The following TUSC3 variants were observed in gnomAD, a reference collection of about 807,000 sequenced individuals.
The protein encoded by TUSC3 is dolichyl-diphosphooligosaccharide--protein glycosyltransferase subunit TUSC3.
In TUSC3, 45 loss-of-function variants were observed where a neutral mutation model predicts 44.8. The observed-to-expected ratio is 1.00, with a 90% CI of 0.79 to 1.29. The LOEUF is 1.29. Among genes scored for constraint, TUSC3 ranks in the 50% most tolerant of loss-of-function variants. The pLI, the probability that TUSC3 is intolerant of heterozygous loss-of-function variation, is 0.00. For synonymous variants in TUSC3, 212 were observed against 152.9 expected, an observed-to-expected ratio of 1.39 and a Z score of -2.85; for missense variants, 519 against 437.9, an observed-to-expected ratio of 1.19 and a Z score of -1.65.
the TUSC3 span, among the ~76,000 whole-genome samples, chr8:15,775,838 G>A: frequency 5.3e-4 from 80 of 150,168 alleles, no homozygotes; most frequent in African/African-American, 2.0e-3. Flanking sequence ...GCACCTGAAT[G>A]GATTCTTTTT....
At chr8:15,666,036 T>C (rs1281922988) in intron 5 of TUSC3, among the ~76,000 whole-genome samples, 1 of 151,472 alleles carries the variant, frequency 6.6e-6, no homozygotes, top group Non-Finnish European at 1.5e-5. Flanking sequence ...AGTAAAATAT[T>C]GAAATACACT....
At chr8:15,539,493 A>C (rs553757840), upstream of TUSC3, among the ~76,000 whole-genome samples, 2 of 151,076 alleles carry the variant, frequency 1.3e-5, no homozygotes, top group Admixed American at 6.6e-5. Context: ...GAGGAACTGC[A>C]AGGCGCTCCA....
chr8:15,664,754 A>C (rs1807581845), intron 5 of TUSC3, among the ~76,000 whole-genome samples: 1 of 149,566 alleles, frequency 6.7e-6, no homozygotes, highest in Non-Finnish European at 1.5e-5. Flanking sequence ...GGCCTTTGGC[A>C]ACTCCTTAAA....
At chr8:15,476,528 A>G (rs1025352444) in intron 1 of TUSC3, among the ~76,000 whole-genome samples, 6 of 152,158 alleles carry the variant, frequency 3.9e-5, no homozygotes, top group Admixed American at 3.3e-4. Context: ...TTTACAAAGG[A>G]ATTTATTCTA....
chr8:15,655,328 C>G (rs1045176072), intron 3 of TUSC3, among the ~76,000 whole-genome samples: 6 of 152,126 alleles, frequency 3.9e-5, no homozygotes, highest in Non-Finnish European at 7.4e-5. Context: ...TATGACCTTC[C>G]TCGCGGAACA....
rs548643655 is a variant in TUSC3 at position 15,559,181 on chromosome 8, C to G, written c.138+18613C>G. On this transcript the variant is annotated intron_variant, in intron 1 of 10. Coordinates refer to ENST00000503731, the MANE Select transcript of TUSC3 (RefSeq NM_006765.4). ...CTCTACACACTGCTTTGAATGCGTCCCAGAGATTCTGGTATGTTGTGTCTT... is the reference window on the plus strand; with the variant it reads ...CTCTACACACTGCTTTGAATGCGTCGCAGAGATTCTGGTATGTTGTGTCTT... 3.2e-4 allele frequency among the ~76,000 whole-genome samples: 45 copies of G among 141,710 alleles called. 2 individuals are homozygous for G. The highest frequency in any genetic ancestry group is 9.2e-4 in the Admixed American group (13 of 14,134). The allele number at this position is 141,710 out of a possible 152,430, so 93.0% of individuals were successfully genotyped here. A position where few individuals can be genotyped will look rare whatever the true frequency, so the allele number is the denominator to read the frequency against.
chr8:15,756,844 T>TTGGGGAATAA (rs1471426119), intron 9 of TUSC3, among the ~76,000 whole-genome samples: 1 of 152,148 alleles, frequency 6.6e-6, no homozygotes, highest in African/African-American at 2.4e-5. Context: ...AAACTCGAGC[T>TTGGGGAATAA]CTAAAGCTAA....
intron 6 of TUSC3, among the ~76,000 whole-genome samples, chr8:15,697,420 C>G (rs186924716): frequency 1.3e-5 from 2 of 152,258 alleles, no homozygotes; most frequent in Admixed American, 1.3e-4. Flanking sequence ...GCATTTAGGG[C>G]TATGAACTTT....
intron 2 of TUSC3, among the ~76,000 whole-genome samples, chr8:15,638,222 G>A (rs1408651084): frequency 6.7e-6 from 1 of 150,188 alleles, no homozygotes; most frequent in African/African-American, 2.4e-5. Context: ...TCCCTGTACA[G>A]TCTCCACCTT....
At chr8:15,437,801 A>G (rs1799968946) in intron 1 of TUSC3, among the ~76,000 whole-genome samples, 1 of 152,184 alleles carries the variant, frequency 6.6e-6, no homozygotes, top group Non-Finnish European at 1.5e-5. Flanking sequence ...TTTCTCCTAC[A>G]GTCATGCCTT....
intron 2 of TUSC3, among the ~76,000 whole-genome samples, chr8:15,626,526 G>A (rs1359579379): frequency 6.6e-6 from 1 of 152,220 alleles, no homozygotes; most frequent in Non-Finnish European, 1.5e-5. Flanking sequence ...CAGGAAGCAG[G>A]CAGCAACCTT....
rs1800513575 is a variant in TUSC3 at position 15,472,918 on chromosome 8, C to G, written n.92-10468C>G. Among the ~76,000 whole-genome samples the G allele has an allele frequency of 2.0e-5, 3 of 152,124 alleles. No individual in the cohort carries two copies. In the South Asian group the frequency reaches 6.2e-4, roughly 31 times the overall value. On this transcript the variant is annotated intron_variant and non_coding_transcript_variant, in intron 1 of 5. Coordinates refer to the TUSC3 transcript ENST00000503191. Reference sequence around the variant, plus strand: ...CTCCACATACAGAAGTTGATAATATCTTGGTCATTTTACAGCTAAGTAAAT... The same window carrying G: ...CTCCACATACAGAAGTTGATAATATGTTGGTCATTTTACAGCTAAGTAAAT...
chr8:15,806,778 A>C, the TUSC3 span: 2 of 805,722 alleles, frequency 2.5e-6, no homozygotes, highest in African/African-American at 3.4e-5. Context: ...TTCTGAATTC[A>C]TTCTTTTTCT....
intron 2 of TUSC3, among the ~76,000 whole-genome samples, chr8:15,508,014 G>A (rs1438083669): frequency 6.6e-6 from 1 of 152,102 alleles, no homozygotes; most frequent in African/African-American, 2.4e-5. Context: ...GGCCGAAGTG[G>A]GTGGATCACT....
At chr8:15,719,041 C>T (rs1435175722) in intron 6 of TUSC3, among the ~76,000 whole-genome samples, 4 of 152,180 alleles carry the variant, frequency 2.6e-5, no homozygotes, top group African/African-American at 7.2e-5. Context: ...AACTGCTTTA[C>T]GTCATCAGCA....
In TUSC3 at chr8:15,550,664, ATTAG is replaced by A. The variant is rs912276569; in HGVS notation, c.138+10104_138+10107del. On this transcript the variant is annotated intron_variant, in intron 1 of 10. Transcript: ENST00000503731. ...TCTTTTTGTAGCTGATCTTTTTTTA[ATTAG>A]TTAGTTAATTATTTTTTTTTAAAGA... 4.7e-4 allele frequency among the ~76,000 whole-genome samples: 71 copies of A among 151,388 alleles called. 2 individuals carry two copies. The South Asian group carries it at 7.5e-3, about 16-fold the overall frequency.
chr8:15,445,589 C>A (rs1032300357), intron 1 of TUSC3, among the ~76,000 whole-genome samples: 1 of 152,166 alleles, frequency 6.6e-6, no homozygotes, highest in Admixed American at 6.5e-5. Context: ...ATCCATTTAA[C>A]CCTGAGTGGA....
chr8:15,554,051 G>T (rs992734597), intron 1 of TUSC3, among the ~76,000 whole-genome samples: 1 of 151,506 alleles, frequency 6.6e-6, no homozygotes, highest in Admixed American at 6.6e-5. Flanking sequence ...CCTCAGATCC[G>T]TGTCTGGTGA....
intron 9 of TUSC3, 57 bp downstream of exon 9, chr8:15,748,522 C>T: frequency 7.3e-7 from 1 of 1,379,092 alleles, no homozygotes; most frequent in Non-Finnish European, 1.0e-6. Context: ...AACAGAGTTT[C>T]AGTGGTTAAT....
Sources: gnomAD v4.1 joint callset for allele counts (sites outside exome capture counted in the v4.1 genomes callset) on GRCh38, gnomAD v4.1.1 for gene constraint, MANE v1.5 for transcripts, NCBI Gene and HGNC (gene_info 2026-07-23, HGNC 2026-07-21) for gene names.